The following DOCK6 variants were observed in gnomAD, a reference collection of about 807,000 sequenced individuals.
DOCK6 encodes the protein dedicator of cytokinesis protein 6.
DOCK6 carries 167 observed loss-of-function variants against 230.3 expected under a neutral mutation model. The observed-to-expected ratio is 0.73, with a 90% CI of 0.64 to 0.82. The LOEUF is 0.82. Ranked by LOEUF, DOCK6 falls within the 40% of genes least tolerant of loss-of-function variation. The pLI is 0.00. For missense variants in DOCK6, 2,598 were observed against 2,825.8 expected, an observed-to-expected ratio of 0.92 and a Z score of 1.83; for synonymous variants, 1,148 against 1,185.0, an observed-to-expected ratio of 0.97 and a Z score of 0.64.
Position 11,243,160 on chromosome 19 carries a change from G to C in DOCK6, c.1387-8C>G. 6.2e-7 allele frequency: 1 copy of C among 1,613,382 alleles called. No homozygotes were observed. The highest frequency in any genetic ancestry group is 8.5e-7 in the Non-Finnish European group (1 of 1,179,388). On this transcript the variant is annotated splice_polypyrimidine_tract_variant and splice_region_variant and intron_variant, in intron 12 of 47. Coordinates refer to ENST00000294618, the MANE Select transcript of DOCK6 (RefSeq NM_020812.4). The surrounding 1 kb of genome is among the most constrained non-coding windows in gnomAD (Gnocchi z 6.3). ...ACTGAGTCGCTCAGCCTCCTACATG[G>C]GACCCACTCCCGTCAGCCTGGGCCA...
chr19:11,233,327 C>T lies in DOCK6; in HGVS notation c.2594G>A (p.Arg865His), dbSNP rs199922090. The stretch of plus-strand genomic sequence containing the variant: ...GAGGCTTGCGGGGCGACCAGAGCCA[C>T]GGGCCAGTGTGGCAGCCTGCACTGT... Reference protein sequence around the residue: ...PVTVQAATLARGSGRPASLYL... With the variant: ...PVTVQAATLAHGSGRPASLYL... The change falls in exon 22 of 48, where the codon CGT (arginine) becomes CAT (histidine). Residue 865 changes from arginine to histidine, a missense_variant. Transcript: ENST00000294618. 1.7e-4 allele frequency: 274 copies of T among 1,613,812 alleles called. No homozygotes were observed. In the African/African-American group the frequency reaches 3.3e-3, roughly 20 times the overall value.
chr19:11,199,395 C>A lies in DOCK6; in HGVS notation c.*102G>T. The A allele has an allele frequency of 1.4e-6, 2 of 1,388,664 alleles. No homozygotes were observed. Among genetic ancestry groups the A allele is most frequent in the South Asian group, 2.5e-5 (2 of 80,358 alleles). 86.0% of individuals were successfully genotyped at this position (1,388,664 alleles called of 1,614,324 possible). A position where few individuals can be genotyped will look rare whatever the true frequency, so the allele number is the denominator to read the frequency against. On this transcript the variant is annotated 3_prime_UTR_variant, in exon 48 of 48. Transcript: ENST00000294618. ...GGCCCAGCCCCAAGTACAGTGTGGTCACCCCACAGCCCAGTGGGCACCAGG... is the reference window on the plus strand; with the variant it reads ...GGCCCAGCCCCAAGTACAGTGTGGTAACCCCACAGCCCAGTGGGCACCAGG...
Position 11,238,052 on chromosome 19 carries a change from G to A in DOCK6, c.1825C>T (p.His609Tyr). The A allele has an allele frequency of 1.2e-6, 2 of 1,613,586 alleles. No individual in the cohort carries two copies. The highest frequency in any genetic ancestry group is 1.7e-6 in the Non-Finnish European group (2 of 1,179,798). Reference sequence around the variant, plus strand: ...ACGTGTCCCCCTACATACTTGTTATGGTAGACCACCGGTGTGAAGGCCTCG... The same window carrying A: ...ACGTGTCCCCCTACATACTTGTTATAGTAGACCACCGGTGTGAAGGCCTCG... ...TREAFTPVVYHNKSPEFYEEF... is the reference protein window; with the variant it reads ...TREAFTPVVYYNKSPEFYEEF... The change falls in exon 16 of 48, where the codon CAT becomes TAT. Residue 609 changes from histidine to tyrosine, a missense_variant. By Grantham distance (83) the His-to-Tyr change is moderately conservative (BLOSUM62 2). Coordinates refer to ENST00000294618, the MANE Select transcript of DOCK6 (RefSeq NM_020812.4).
chr19:11,218,393 C>A (rs1019352991), intron 28 of DOCK6, among the ~76,000 whole-genome samples: 1 of 152,184 alleles, frequency 6.6e-6, no homozygotes, highest in South Asian at 2.1e-4. Context: ...ATGATCTGCC[C>A]GCCTCGGCCT....
Position 11,248,170 on chromosome 19 carries a change from G to T in DOCK6, c.721-19C>A. 4 of 1,509,472 alleles carry T rather than the reference G, an allele frequency of 2.6e-6. No homozygotes were observed. Among genetic ancestry groups the T allele is most frequent in the Non-Finnish European group, 2.7e-6 (3 of 1,091,128 alleles). 93.5% of individuals were successfully genotyped at this position (1,509,472 alleles called of 1,614,324 possible). ...CTTCATCCTGCCAAGAGTGGGGGGT[G>T]GGAGCTGGGCGGGAGGAGCTGGGAC... On this transcript the variant is annotated intron_variant, in intron 6 of 47. Coordinates refer to ENST00000294618, the MANE Select transcript of DOCK6 (RefSeq NM_020812.4).
At position 11,217,309 on chromosome 19, in the gene DOCK6, G is replaced by C. The variant is rs762301589; in HGVS notation, c.3633C>G (p.Asn1211Lys). The C allele has an allele frequency of 2.5e-6, 4 of 1,613,332 alleles. No homozygotes were observed. Among genetic ancestry groups the C allele is most frequent in the Admixed American group, 1.7e-5 (1 of 59,956 alleles). The change falls in exon 29 of 48, where the codon AAC becomes AAG. Residue 1211 changes from asparagine (N) to lysine (K), a missense_variant. Physicochemically the swap from Asn to Lys is moderately conservative, Grantham distance 94. Transcript: ENST00000294618. Reference protein sequence around the residue: ...EGEGDIAGTINPSVAMAIAGG... With the variant: ...EGEGDIAGTIKPSVAMAIAGG... ...CAGCAATGGCCATGGCCACAGAGGG[G>C]TTGATGGTACCCGCAATGTCCCCTT...
At chr19:11,261,453 G>A (rs1324713611) in intron 1 of DOCK6, among the ~76,000 whole-genome samples, 2 of 151,980 alleles carry the variant, frequency 1.3e-5, no homozygotes, top group Non-Finnish European at 2.9e-5. Context: ...TCCCAAGAGG[G>A]GGATCTTTTG....
At chr19:11,248,493 C>T (rs1568261376) in intron 6 of DOCK6, among the ~76,000 whole-genome samples, 1 of 151,958 alleles carries the variant, frequency 6.6e-6, no homozygotes, top group Non-Finnish European at 1.5e-5. Flanking sequence ...TCACTGCAAC[C>T]TCTGCCTCCC....
rs766261880 is a variant in DOCK6 at position 11,228,899 on chromosome 19, T to TG, written c.2814+40dup. The TG allele has an allele frequency of 3.1e-6, 5 of 1,601,156 alleles. No homozygotes were observed. The East Asian group carries it at 6.7e-5, about 21-fold the overall frequency. ...TCTTTAAAAAAGGAAGGGGCTCCAC[T>TG]GGGGGTCTCTTGCCACCAGGCAGGG... On this transcript the variant is annotated intron_variant, in intron 23 of 47. Transcript: ENST00000294618.
rs2079973675 is a variant in DOCK6, at chr19:11,243,169, C to T, written c.1387-17G>A. The T allele has an allele frequency of 6.2e-7, 1 of 1,613,130 alleles. No individual in the cohort carries two copies. The highest frequency in any genetic ancestry group is 1.7e-5 in the Admixed American group (1 of 60,026). On this transcript the variant is annotated splice_polypyrimidine_tract_variant and intron_variant, in intron 12 of 47. Coordinates refer to ENST00000294618, the MANE Select transcript of DOCK6 (RefSeq NM_020812.4). This position sits in a 1 kb window ranked among gnomAD's most constrained non-coding sequence, Gnocchi z 6.3. ...CTCAGCCTCCTACATGGGACCCACTCCCGTCAGCCTGGGCCAGGGGGCTAG... is the reference window on the plus strand; with the variant it reads ...CTCAGCCTCCTACATGGGACCCACTTCCGTCAGCCTGGGCCAGGGGGCTAG...
At chr19:11,241,537 G>A in intron 14 of DOCK6, 1 of 1,553,144 alleles carries the variant, frequency 6.4e-7, no homozygotes, top group Non-Finnish European at 8.7e-7. Context: ...AGCATCGGCT[G>A]CGACAGATCC....
rs750904031 is a variant in DOCK6, at chr19:11,212,002, G to C, written c.4641C>G (p.Phe1547Leu). Reference sequence around the variant, plus strand: ...ACCCAGCAGGTGTCACCTGCTCTGCGAAGGTGCTGTCCCGCAGCCCCATGT... The same window carrying C: ...ACCCAGCAGGTGTCACCTGCTCTGCCAAGGTGCTGTCCCGCAGCCCCATGT... ...EEDMGLRDST[F>L]AEQVQDLMFN... The change falls in exon 36 of 48, where the codon TTC becomes TTG. Residue 1547 changes from phenylalanine (F) to leucine (L), a missense_variant. By Grantham distance (22) the Phe-to-Leu change is conservative (BLOSUM62 0). Transcript: ENST00000294618. The C allele has an allele frequency of 1.2e-6, 2 of 1,604,698 alleles. No individual in the cohort carries two copies. The highest frequency in any genetic ancestry group is 2.7e-5 in the African/African-American group (2 of 74,814).
intron 9 of DOCK6, among the ~76,000 whole-genome samples, chr19:11,244,200 G>A (rs2079997010): frequency 1.3e-5 from 2 of 151,422 alleles, no homozygotes; most frequent in South Asian, 4.1e-4. Context: ...TAGAGACAGG[G>A]GTCTCGCTAT....
chr19:11,216,623 G>T, intron 30 of DOCK6: 1 of 372,766 alleles, frequency 2.7e-6, no homozygotes, highest in Non-Finnish European at 5.0e-6. Flanking sequence ...TGGCCAGACT[G>T]CTCTTGAACT....
At position 11,222,346 on chromosome 19, in the gene DOCK6, C is replaced by T; in HGVS notation, c.3241-98G>A. The T allele has an allele frequency of 6.9e-7, 1 of 1,454,506 alleles. No individual in the cohort carries two copies. The highest frequency in any genetic ancestry group is 9.3e-7 in the Non-Finnish European group (1 of 1,075,866). 90.1% of individuals were successfully genotyped at this position (1,454,506 alleles called of 1,614,324 possible). ...CTTGGAGGTGACAGAAATCATGGTG[C>T]CAATAGCCACAGATGAAAGACTGAT... On this transcript the variant is annotated intron_variant, in intron 26 of 47. Transcript: ENST00000294618. This position sits in a 1 kb window ranked among gnomAD's most constrained non-coding sequence, Gnocchi z 4.0.
chr19:11,228,304 C>G (rs573690928), intron 23 of DOCK6, among the ~76,000 whole-genome samples: 1 of 152,090 alleles, frequency 6.6e-6, no homozygotes, highest in African/African-American at 2.4e-5. Flanking sequence ...AGCCACTGTG[C>G]CTGACCACAG....
intron 39 of DOCK6, chr19:11,208,184 A>G (rs1441604229): frequency 4.6e-5 from 7 of 152,608 alleles, no homozygotes; most frequent in African/African-American, 1.7e-4. Context: ...AAGCATCTCT[A>G]ATGTATGTAA....
At chr19:11,207,745 T>C (rs1352308108) in intron 39 of DOCK6, among the ~76,000 whole-genome samples, 1 of 151,222 alleles carries the variant, frequency 6.6e-6, no homozygotes, top group East Asian at 2.0e-4. Context: ...CTGGGAAACA[T>C]GGCAAAACCC....
Position 11,236,307 on chromosome 19 carries a change from T to C in DOCK6, c.2392+39A>G. ...AGGACCTCAGGACTGAGAAGCCATG[T>C]GGATGGGGAAACTGAGGTCTGAGGC... On this transcript the variant is annotated intron_variant, in intron 20 of 47. Coordinates refer to ENST00000294618, the MANE Select transcript of DOCK6 (RefSeq NM_020812.4). This position sits in a 1 kb window ranked among gnomAD's most constrained non-coding sequence, Gnocchi z 5.2. The C allele has an allele frequency of 6.6e-7, 1 of 1,510,088 alleles. No individual in the cohort carries two copies. Among genetic ancestry groups the C allele is most frequent in the Non-Finnish European group, 9.0e-7 (1 of 1,115,764 alleles). The allele number at this position is 1,510,088 out of a possible 1,614,324, so 93.5% of individuals were successfully genotyped here.
Sources: gnomAD v4.1 joint callset for allele counts (sites outside exome capture counted in the v4.1 genomes callset) on GRCh38, gnomAD v4.1.1 for gene constraint, Gnocchi (gnomAD v3.1) non-coding constraint, MANE v1.5 for transcripts, NCBI Gene and HGNC (gene_info 2026-07-23, HGNC 2026-07-21) for gene names.